ITGBL1: variants seen among roughly 807,000 people sequenced by gnomAD.
The protein encoded by ITGBL1 is integrin beta-like protein 1.
In ITGBL1, 51 loss-of-function variants were observed where a neutral mutation model predicts 68.5. That is an observed-to-expected ratio of 0.74 (90% CI 0.59 to 0.94). ITGBL1 has a LOEUF of 0.94. ITGBL1 is among the 40% of genes least tolerant of loss of function. The pLI, the probability that ITGBL1 is intolerant of heterozygous loss-of-function variation, is 0.00. For missense variants in ITGBL1, 649 were observed against 647.4 expected, an observed-to-expected ratio of 1.00 and a Z score of -0.03; for synonymous variants, 209 against 227.3, an observed-to-expected ratio of 0.92 and a Z score of 0.72.
chr13:101,527,846 A>C (rs1047700053), intron 2 of ITGBL1, among the ~76,000 whole-genome samples: 3 of 151,998 alleles, frequency 2.0e-5, no homozygotes, highest in Non-Finnish European at 4.4e-5. Context: ...GAATGTTCAA[A>C]TTTTATCGTA....
intron 2 of ITGBL1, among the ~76,000 whole-genome samples, chr13:101,474,564 C>G (rs2048508615): frequency 6.6e-6 from 1 of 152,122 alleles, no homozygotes; most frequent in African/African-American, 2.4e-5. Flanking sequence ...GCCCCTGGGC[C>G]TTGAACAAAA....
At chr13:101,683,232 G>T (rs2033682454) in intron 7 of ITGBL1, among the ~76,000 whole-genome samples, 1 of 151,942 alleles carries the variant, frequency 6.6e-6, no homozygotes, top group Non-Finnish European at 1.5e-5. Flanking sequence ...TCATGTTCAT[G>T]TAATCACCTC....
At chr13:101,645,108 G>T (rs2032516340) in intron 7 of ITGBL1, among the ~76,000 whole-genome samples, 1 of 152,084 alleles carries the variant, frequency 6.6e-6, no homozygotes, top group African/African-American at 2.4e-5. Context: ...GAAGTGTAAA[G>T]GTAGGCAGGT....
chr13:101,590,045 C>T (rs999709162), intron 6 of ITGBL1, among the ~76,000 whole-genome samples: 8 of 152,114 alleles, frequency 5.3e-5, no homozygotes, highest in East Asian at 1.9e-4. Flanking sequence ...GAAAACAGAA[C>T]GTGCCTATGG....
At chr13:101,608,159 TTATCAA>T (rs893886459) in intron 7 of ITGBL1, among the ~76,000 whole-genome samples, 16 of 152,080 alleles carry the variant, frequency 1.1e-4, no homozygotes, top group African/African-American at 3.6e-4. Context: ...GTCCTCATTT[TTATCAA>T]TTAGCATGCT....
chr13:101,482,337 GT>G (rs56675220), intron 2 of ITGBL1, among the ~76,000 whole-genome samples: 112,358 of 148,738 alleles, frequency 0.76, 42,636 homozygotes, highest in Non-Finnish European at 0.8. Flanking sequence ...CTGAGTATAG[GT>G]TTTTTTTTTT....
intron 7 of ITGBL1, among the ~76,000 whole-genome samples, chr13:101,641,811 T>C (rs2032387456): frequency 6.8e-6 from 1 of 147,858 alleles, no homozygotes; most frequent in Admixed American, 6.8e-5. Flanking sequence ...GAATATGCGG[T>C]GGTTGGTTTT....
At chr13:101,625,478 G>A (rs1387057895) in intron 7 of ITGBL1, among the ~76,000 whole-genome samples, 3 of 152,226 alleles carry the variant, frequency 2.0e-5, no homozygotes, top group South Asian at 4.1e-4. Context: ...GTGGTAGCTC[G>A]ATAGTTGTGT....
At chr13:101,546,061 A>G (rs887753365) in intron 2 of ITGBL1, among the ~76,000 whole-genome samples, 36 of 152,254 alleles carry the variant, frequency 2.4e-4, no homozygotes, top group African/African-American at 8.2e-4. Context: ...TATTACAAAC[A>G]TAATATTGGG....
chr13:101,631,063 T>C lies in ITGBL1; in HGVS notation c.1015+32764T>C, dbSNP rs373534073. ...CTTGGAGATGTTCAGCACTTGTTGGTTAGTTAAAGACTCTGATATATCCTG... is the reference window on the plus strand; with the variant it reads ...CTTGGAGATGTTCAGCACTTGTTGGCTAGTTAAAGACTCTGATATATCCTG... On this transcript the variant is annotated intron_variant, in intron 7 of 10. Coordinates refer to ENST00000376180, the MANE Select transcript of ITGBL1 (RefSeq NM_004791.3). Among the ~76,000 whole-genome samples the C allele has an allele frequency of 4.3e-3, 653 of 152,332 alleles. 2 individuals are homozygous for C. Among genetic ancestry groups the C allele is most frequent in the Non-Finnish European group, 7.8e-3 (531 of 68,034 alleles).
intron 4 of ITGBL1, among the ~76,000 whole-genome samples, chr13:101,578,535 G>A (rs908876933): frequency 6.6e-6 from 1 of 152,190 alleles, no homozygotes; most frequent in Non-Finnish European, 1.5e-5. Context: ...GGAAAGCAAT[G>A]GTGCGATAAT....
chr13:101,580,888 G>C (rs1338253354), intron 5 of ITGBL1, among the ~76,000 whole-genome samples: 1 of 152,164 alleles, frequency 6.6e-6, no homozygotes, highest in Non-Finnish European at 1.5e-5. Flanking sequence ...GCTGTGCTTG[G>C]AGCATTCTGA....
chr13:101,656,928 T>G (rs1018165896), intron 7 of ITGBL1, among the ~76,000 whole-genome samples: 2 of 152,014 alleles, frequency 1.3e-5, no homozygotes, highest in African/African-American at 4.8e-5. Context: ...GTGTTCCCAG[T>G]ATTGCTTCTA....
intron 2 of ITGBL1, among the ~76,000 whole-genome samples, chr13:101,496,823 A>G (rs1321563173): frequency 6.6e-6 from 1 of 152,188 alleles, no homozygotes; most frequent in African/African-American, 2.4e-5. Context: ...TTTTCATCCA[A>G]TAAAGGTACT....
In ITGBL1 at chr13:101,683,500, C is replaced by T. The variant is rs186029352; in HGVS notation, c.1016-9085C>T. ...TTGATGAACATTTGGGGCATTTCTC[C>T]TTTGAAGTTGCTAAGAATAATGTTG... On this transcript the variant is annotated intron_variant, in intron 7 of 10. Coordinates refer to ENST00000376180, the MANE Select transcript of ITGBL1 (RefSeq NM_004791.3). Among the ~76,000 whole-genome samples, 653 of 152,054 alleles carry T rather than the reference C, an allele frequency of 4.3e-3. 7 individuals carry two copies. Among genetic ancestry groups the T allele is most frequent in the African/African-American group, 0.015 (625 of 41,518 alleles).
intron 3 of ITGBL1, among the ~76,000 whole-genome samples, chr13:101,574,462 T>G (rs1167099269): frequency 6.6e-5 from 10 of 152,150 alleles, no homozygotes; most frequent in Non-Finnish European, 1.5e-4. Flanking sequence ...TGCAACACTT[T>G]GCACTTCTGT....
chr13:101,499,507 T>C (rs1050542394), intron 2 of ITGBL1, among the ~76,000 whole-genome samples: 2 of 152,212 alleles, frequency 1.3e-5, no homozygotes, highest in African/African-American at 4.8e-5. Context: ...CACTCAGATA[T>C]TCTTCTCCTT....
chr13:101,530,032 A>AGGGAATATT (rs1466087475), intron 2 of ITGBL1, among the ~76,000 whole-genome samples: 1 of 152,200 alleles, frequency 6.6e-6, no homozygotes, highest in Non-Finnish European at 1.5e-5. Flanking sequence ...GGAAGAACTC[A>AGGGAATATT]GGGAATATTG....
intron 2 of ITGBL1, among the ~76,000 whole-genome samples, chr13:101,529,466 A>G (rs1004261012): frequency 6.6e-6 from 1 of 152,214 alleles, no homozygotes; most frequent in African/African-American, 2.4e-5. Flanking sequence ...AAAAATAACA[A>G]CTGGGCATCC....
Sources: gnomAD v4.1 joint callset for allele counts (sites outside exome capture counted in the v4.1 genomes callset) on GRCh38, gnomAD v4.1.1 for gene constraint, MANE v1.5 for transcripts, NCBI Gene and HGNC (gene_info 2026-07-23, HGNC 2026-07-21) for gene names.